TFDP2: variants seen among roughly 807,000 people sequenced by gnomAD.
The protein encoded by TFDP2 is transcription factor Dp-2.
TFDP2 carries 17 observed loss-of-function variants against 59.3 expected under a neutral mutation model. That is an observed-to-expected ratio of 0.29 (90% CI 0.20 to 0.43). The LOEUF is 0.43. Ranked by LOEUF, TFDP2 falls within the 20% of genes least tolerant of loss-of-function variation. The pLI is 1.00. For missense variants in TFDP2, 391 were observed against 528.8 expected, an observed-to-expected ratio of 0.74 and a Z score of 2.56; for synonymous variants, 180 against 194.7, an observed-to-expected ratio of 0.92 and a Z score of 0.63.
chr3:142,030,663 T>C (rs946487982), intron 3 of TFDP2, among the ~76,000 whole-genome samples: 1 of 151,940 alleles, frequency 6.6e-6, no homozygotes, highest in South Asian at 2.1e-4. Flanking sequence ...GGGCTAGATA[T>C]GGTCACACCT....
At chr3:141,968,902 TC>T (rs1938942690) in intron 9 of TFDP2, among the ~76,000 whole-genome samples, 1 of 92,060 alleles carries the variant, frequency 1.1e-5, no homozygotes, top group Non-Finnish European at 2.0e-5. Flanking sequence ...CATATATATC[TC>T]ATATATATAG....
chr3:142,087,430 G>A (rs2060836983), intron 3 of TFDP2, among the ~76,000 whole-genome samples: 1 of 151,944 alleles, frequency 6.6e-6, no homozygotes, highest in Non-Finnish European at 1.5e-5. Context: ...CCACTGGATA[G>A]CCATTCATTA....
At position 141,955,486 on chromosome 3, in the gene TFDP2, G is replaced by A. The variant is rs917102728; in HGVS notation, c.1052-2470C>T. ...CACAGCAGGACCCAGGCTGGAGAGCGTGGAGAGAGGAAAGCTGGGTGGGGA... is the reference window on the plus strand; with the variant it reads ...CACAGCAGGACCCAGGCTGGAGAGCATGGAGAGAGGAAAGCTGGGTGGGGA... On this transcript the variant is annotated intron_variant, in intron 11 of 12. Coordinates refer to ENST00000489671, the MANE Select transcript of TFDP2 (RefSeq NM_001178139.2). Among the ~76,000 whole-genome samples, 6 of 151,972 alleles carry A rather than the reference G, an allele frequency of 3.9e-5. No homozygotes were observed. The South Asian group carries it at 8.3e-4, about 21-fold the overall frequency.
chr3:141,970,404 T>C (rs1201453062), intron 8 of TFDP2, among the ~76,000 whole-genome samples: 1 of 152,230 alleles, frequency 6.6e-6, no homozygotes, highest in Admixed American at 6.5e-5. Context: ...GTTGCAATTA[T>C]TATTCAAGTT....
At chr3:141,961,249 T>G (rs1179794899) in intron 10 of TFDP2, among the ~76,000 whole-genome samples, 1 of 143,594 alleles carries the variant, frequency 7.0e-6, no homozygotes, top group Non-Finnish European at 1.5e-5. Context: ...TTTTTTTTTT[T>G]TTTTTTTTTT....
chr3:141,961,929 A>C (rs1225688657), intron 10 of TFDP2, among the ~76,000 whole-genome samples: 1 of 152,148 alleles, frequency 6.6e-6, no homozygotes, highest in African/African-American at 2.4e-5. Context: ...AACCTGGGCA[A>C]CAGTGAGAAC....
In TFDP2 at chr3:141,950,503, G is replaced by C. The variant is rs1935834569; in HGVS notation, c.*2010C>G. On this transcript the variant is annotated 3_prime_UTR_variant, in exon 13 of 13. Transcript: ENST00000489671. The stretch of plus-strand genomic sequence containing the variant: ...GTAGAGAAAAAAACAGGTTTCCCAA[G>C]AACTCTGGCAAGAATGTTGCTACTT... 1 of 152,582 alleles carries C rather than the reference G, an allele frequency of 6.6e-6. No individual in the cohort carries two copies. Among genetic ancestry groups the C allele is most frequent in the Admixed American group, 6.5e-5 (1 of 15,274 alleles). The allele number at this position is 152,582 out of a possible 1,614,324, so 9.5% of individuals were successfully genotyped here. A position where few individuals can be genotyped will look rare whatever the true frequency, so the allele number is the denominator to read the frequency against.
intron 1 of TFDP2, among the ~76,000 whole-genome samples, chr3:142,125,913 T>C (rs1219351969): frequency 2.0e-5 from 3 of 152,180 alleles, no homozygotes; most frequent in Non-Finnish European, 4.4e-5. Context: ...AAATTGTATA[T>C]TTTCCTTCAC....
intron 1 of TFDP2, among the ~76,000 whole-genome samples, chr3:142,106,049 T>C (rs1412864331): frequency 1.3e-5 from 2 of 151,822 alleles, no homozygotes; most frequent in African/African-American, 2.4e-5. Context: ...TCCCACATGG[T>C]AGAAGTGAAA....
intron 6 of TFDP2, among the ~76,000 whole-genome samples, chr3:141,992,913 C>A (rs1942922055): frequency 6.6e-6 from 1 of 152,186 alleles, no homozygotes; most frequent in Admixed American, 6.5e-5. Context: ...TAACAGACTA[C>A]AAGTGATTCT....
chr3:142,103,915 G>C (rs1217782137), intron 1 of TFDP2, among the ~76,000 whole-genome samples: 1 of 151,650 alleles, frequency 6.6e-6, no homozygotes, highest in Non-Finnish European at 1.5e-5. Flanking sequence ...TTCATGTGCA[G>C]AACATGCAGT....
chr3:142,042,770 C>T (rs1369740377), intron 3 of TFDP2, among the ~76,000 whole-genome samples: 6 of 62,852 alleles, frequency 9.5e-5, no homozygotes, highest in Admixed American at 5.9e-4. Flanking sequence ...GACGGAGTTT[C>T]GCTTTTTTGC....
intron 11 of TFDP2, among the ~76,000 whole-genome samples, chr3:141,955,579 C>T (rs1417007097): frequency 1.3e-5 from 2 of 152,006 alleles, no homozygotes; most frequent in African/African-American, 2.4e-5. Flanking sequence ...TGGTGCCAAC[C>T]GAAGAACTAA....
intron 3 of TFDP2, among the ~76,000 whole-genome samples, chr3:142,054,727 C>T (rs780649080): frequency 6.6e-5 from 10 of 152,102 alleles, no homozygotes; most frequent in Non-Finnish European, 1.0e-4. Flanking sequence ...GTTCAAATCC[C>T]AGTCAACATA....
At chr3:142,014,699 A>C (rs1170926063) in intron 3 of TFDP2, among the ~76,000 whole-genome samples, 1 of 152,098 alleles carries the variant, frequency 6.6e-6, no homozygotes, top group African/African-American at 2.4e-5. Context: ...TGTCTAAAAA[A>C]CATCCCTTCA....
chr3:141,963,239 ACTT>A (rs1937549525), intron 10 of TFDP2, among the ~76,000 whole-genome samples: 1 of 152,180 alleles, frequency 6.6e-6, no homozygotes, highest in Non-Finnish European at 1.5e-5. Flanking sequence ...GAAAAGTGCT[ACTT>A]CTTATTTGCC....
chr3:141,952,733 T>C, intron 12 of TFDP2, 37 bp from the exon 13 acceptor site: 1 of 1,601,948 alleles, frequency 6.2e-7, no homozygotes, highest in East Asian at 2.2e-5. Context: ...CTCATTAATG[T>C]GGTATAAACA....
intron 1 of TFDP2, among the ~76,000 whole-genome samples, chr3:142,118,692 C>A (rs1013419665): frequency 1.3e-5 from 2 of 151,244 alleles, no homozygotes; most frequent in Middle Eastern, 3.4e-3. Flanking sequence ...ACAGACTGAA[C>A]GAAAACTTAA....
intron 1 of TFDP2, among the ~76,000 whole-genome samples, chr3:142,123,338 G>A (rs1300276926): frequency 6.6e-6 from 1 of 152,136 alleles, no homozygotes; most frequent in Non-Finnish European, 1.5e-5. Flanking sequence ...GTTTCACCAT[G>A]TTAGCCAGGA....
Sources: gnomAD v4.1 joint callset for allele counts (sites outside exome capture counted in the v4.1 genomes callset) on GRCh38, gnomAD v4.1.1 for gene constraint, MANE v1.5 for transcripts, NCBI Gene and HGNC (gene_info 2026-07-23, HGNC 2026-07-21) for gene names.